Variants in GUCY1A1 observed in about 807,000 individuals in gnomAD.
GUCY1A1 encodes guanylate cyclase soluble subunit alpha-1.
GUCY1A1 carries 48 observed loss-of-function variants against 64.5 expected under a neutral mutation model. The observed-to-expected ratio is 0.74, with a 90% CI of 0.59 to 0.95. The LOEUF (loss-of-function observed/expected upper bound fraction) is 0.95, where lower values mean the gene tolerates loss of function less well. Ranked by LOEUF, GUCY1A1 falls within the 40% of genes least tolerant of loss-of-function variation. GUCY1A1 has a pLI of 0.00. For missense variants in GUCY1A1, 804 were observed against 825.3 expected, an observed-to-expected ratio of 0.97 and a Z score of 0.32; for synonymous variants, 308 against 303.4, an observed-to-expected ratio of 1.02 and a Z score of -0.16.
At chr4:155,670,270 G>A (rs940610298) in intron 2 of GUCY1A1, among the ~76,000 whole-genome samples, 1 of 152,118 alleles carries the variant, frequency 6.6e-6, no homozygotes, top group Non-Finnish European at 1.5e-5. Context: ...TTTCCCCAAA[G>A]TATTAATAAT....
chr4:155,689,173 G>A (rs992162184), intron 2 of GUCY1A1, among the ~76,000 whole-genome samples: 2 of 151,014 alleles, frequency 1.3e-5, no homozygotes, highest in African/African-American at 4.9e-5. Flanking sequence ...AAAACAAAAT[G>A]GCTTTTTACA....
intron 9 of GUCY1A1, among the ~76,000 whole-genome samples, chr4:155,723,699 A>G (rs926181683): frequency 3.3e-4 from 50 of 151,298 alleles, no homozygotes; most frequent in Admixed American, 2.9e-3. Flanking sequence ...GTCTTGCTCT[A>G]TGGCCCAGGT....
At position 155,722,193 on chromosome 4, in the gene GUCY1A1, G is replaced by T; in HGVS notation, c.1871+1G>T. 6.2e-7 allele frequency: 1 copy of T among 1,610,968 alleles called. No homozygotes were observed. The highest frequency in any genetic ancestry group is 8.5e-7 in the Non-Finnish European group (1 of 1,178,282). On this transcript the variant is annotated splice_donor_variant, in intron 9 of 9. Coordinates refer to ENST00000506455, the MANE Select transcript of GUCY1A1 (RefSeq NM_001130682.3). LOFTEE classifies it high-confidence loss of function. ...TCAATGTCAGCCCAACAACTTACAG[G>T]TAGTAATTATGTTAAACACCTAAAA...
Position 155,710,705 on chromosome 4 carries a change from A to G in GUCY1A1, c.540A>G (p.Gly180=). 1 of 1,614,094 alleles carries G rather than the reference A, an allele frequency of 6.2e-7. No individual in the cohort carries two copies. Among genetic ancestry groups the G allele is most frequent in the Non-Finnish European group, 8.5e-7 (1 of 1,179,966 alleles). ...LKQSSHCQEA[G]KRGRLEDASI... ...AGAGCAGCCATTGCCAAGAAGCAGG[A>G]AAAAGGGGCAGGCTTGAGGACGCCT... The change falls in exon 6 of 10, where the codon GGA becomes GGG. Residue 180 remains glycine, a synonymous_variant. Transcript: ENST00000506455.
chr4:155,704,111 A>G (rs1043606074), intron 4 of GUCY1A1, 118 bp downstream of exon 4: 1 of 626,326 alleles, frequency 1.6e-6, no homozygotes, highest in African/African-American at 1.8e-5. Context: ...TATGTCAGAA[A>G]CTGGACTTAG....
chr4:155,733,492 A>G lies in GUCY1A1; in HGVS notation c.*3261A>G, dbSNP rs1168365011. On this transcript the variant is annotated 3_prime_UTR_variant, in exon 10 of 10. Transcript: ENST00000506455. The stretch of plus-strand genomic sequence containing the variant: ...TATGTGTGTCATGTAAAGGTGTGCC[A>G]TGATAGTTATTCATATTGCTATTGT... Among the ~76,000 whole-genome samples, 1 of 151,752 alleles carries G rather than the reference A, an allele frequency of 6.6e-6. No individual in the cohort carries two copies. Among genetic ancestry groups the G allele is most frequent in the Admixed American group, 6.6e-5 (1 of 15,196 alleles).
In GUCY1A1 at chr4:155,672,018, G is replaced by GT. The variant is rs5863172; in HGVS notation, c.-113+4609dup. ...AATCTATTCTACTCTTCCCCCCTCC[G>GT]TTTTTTTTTTGCACTCATACAACAC... is the stretch of plus-strand genomic sequence containing the variant. On this transcript the variant is annotated intron_variant, in intron 2 of 9. Coordinates refer to ENST00000506455, the MANE Select transcript of GUCY1A1 (RefSeq NM_001130682.3). Among the ~76,000 whole-genome samples, 161 of 148,778 alleles carry GT rather than the reference G, an allele frequency of 1.1e-3. 1 individual carries two copies. Among genetic ancestry groups the GT allele is most frequent in the East Asian group, 2.4e-3 (12 of 4,998 alleles).
chr4:155,703,615 A>G (rs1731372492), intron 3 of GUCY1A1, among the ~76,000 whole-genome samples: 1 of 152,100 alleles, frequency 6.6e-6, no homozygotes, highest in African/African-American at 2.4e-5. Context: ...CCAAACTGAA[A>G]TCTTCTGTTT....
rs887770444 is a variant in GUCY1A1 at position 155,736,251 on chromosome 4, G to T, written c.*6020G>T. The T allele has an allele frequency of 2.0e-5, 3 of 151,886 alleles. No homozygotes were observed. The highest frequency in any genetic ancestry group is 2.9e-5 in the Non-Finnish European group (2 of 67,912). 9.4% of individuals were successfully genotyped at this position (151,886 alleles called of 1,614,324 possible). ...AGCATGAATATAAATAGAAATTCTA[G>T]TATTTTCTTCACCTACCCCAGTGAA... On this transcript the variant is annotated 3_prime_UTR_variant, in exon 10 of 10. Coordinates refer to ENST00000506455, the MANE Select transcript of GUCY1A1 (RefSeq NM_001130682.3).
intron 2 of GUCY1A1, among the ~76,000 whole-genome samples, chr4:155,679,307 T>C (rs923025905): frequency 6.6e-6 from 1 of 152,194 alleles, no homozygotes; most frequent in Admixed American, 6.5e-5. Flanking sequence ...TTTGTCGTAG[T>C]CTGTTTATTT....
Position 155,735,279 on chromosome 4 carries a change from G to C in GUCY1A1, c.*5048G>C, listed in dbSNP as rs1320456188. The C allele has an allele frequency of 1.3e-5, 2 of 151,722 alleles. No homozygotes were observed. Among genetic ancestry groups the C allele is most frequent in the African/African-American group, 2.4e-5 (1 of 41,326 alleles). 9.4% of individuals were successfully genotyped at this position (151,722 alleles called of 1,614,324 possible). ...AGTATCTGCCAAAATAGTAGCAAAA[G>C]TTTTATCAATGTGTAGATTTCAATC... On this transcript the variant is annotated 3_prime_UTR_variant, in exon 10 of 10. Transcript: ENST00000506455.
chr4:155,727,131 C>T lies in GUCY1A1; in HGVS notation c.1872-2899C>T, dbSNP rs374511527. On this transcript the variant is annotated intron_variant, in intron 9 of 9. Transcript: ENST00000506455. The stretch of plus-strand genomic sequence containing the variant: ...ATTGGAGCATTGATGCAGTAATTTG[C>T]GGAAAAATGGTGTCTGGTGAAGAAG... Among the ~76,000 whole-genome samples, 176 of 151,972 alleles carry T rather than the reference C, an allele frequency of 1.2e-3. 4 individuals carry two copies. Among genetic ancestry groups the T allele is most frequent in the Middle Eastern group, 3.4e-3 (1 of 294 alleles).
At chr4:155,696,216 C>A (rs1258439416) in intron 2 of GUCY1A1, among the ~76,000 whole-genome samples, 3 of 151,856 alleles carry the variant, frequency 2.0e-5, no homozygotes, top group Non-Finnish European at 4.4e-5. Context: ...CTTCATTGAA[C>A]TTTTTTTCAT....
chr4:155,673,770 C>T (rs1034223238), intron 2 of GUCY1A1, among the ~76,000 whole-genome samples: 2 of 151,344 alleles, frequency 1.3e-5, no homozygotes, highest in African/African-American at 4.9e-5. Flanking sequence ...CTTTTCGTTT[C>T]CCCTTGTTCA....
intron 6 of GUCY1A1, among the ~76,000 whole-genome samples, chr4:155,712,617 G>A (rs759329607): frequency 3.3e-5 from 5 of 152,088 alleles, no homozygotes; most frequent in Admixed American, 3.3e-4. Context: ...GCCAGATGGA[G>A]CAAGTACTTA....
chr4:155,670,728 G>C (rs1734031974), intron 2 of GUCY1A1, among the ~76,000 whole-genome samples: 1 of 152,134 alleles, frequency 6.6e-6, no homozygotes, highest in Non-Finnish European at 1.5e-5. Flanking sequence ...CTAACTTCTG[G>C]TATGCTTTCT....
intron 2 of GUCY1A1, among the ~76,000 whole-genome samples, chr4:155,690,870 T>C (rs1161133302): frequency 6.6e-6 from 1 of 152,230 alleles, no homozygotes; most frequent in Non-Finnish European, 1.5e-5. Flanking sequence ...TCTGACCTTG[T>C]GTCTAGAAAA....
In GUCY1A1 at chr4:155,736,465, A is replaced by T. The variant is rs1056237244; in HGVS notation, c.*6234A>T. ...AATCTACTCCTAGACCACCCTAGTG[A>T]AGTACCATAGACCATATTGTCTAGA... On this transcript the variant is annotated 3_prime_UTR_variant, in exon 10 of 10. Transcript: ENST00000506455. The T allele has an allele frequency of 6.6e-6, 1 of 152,010 alleles. No homozygotes were observed. The allele number at this position is 152,010 out of a possible 1,614,324, so 9.4% of individuals were successfully genotyped here. A position where few individuals can be genotyped will look rare whatever the true frequency, so the allele number is the denominator to read the frequency against.
At chr4:155,697,167 T>C (rs745453358) in intron 3 of GUCY1A1, 45 bp downstream of exon 3, 13 of 1,479,834 alleles carry the variant, frequency 8.8e-6, no homozygotes, top group African/African-American at 5.6e-5. Flanking sequence ...TACTTTGAAA[T>C]TGTAGAAGAA....
Sources: gnomAD v4.1 joint callset for allele counts (sites outside exome capture counted in the v4.1 genomes callset) on GRCh38, gnomAD v4.1.1 for gene constraint, MANE v1.5 for transcripts, NCBI Gene and HGNC (gene_info 2026-07-23, HGNC 2026-07-21) for gene names.